Variants in TBC1D1 observed in about 807,000 individuals in gnomAD.
TBC1D1 encodes TBC1 domain family member 1, also known as TBC1 (tre-2/USP6, BUB2, cdc16) domain family, member 1.
TBC1D1 carries 89 observed loss-of-function variants against 125.6 expected under a neutral mutation model. The ratio of observed to expected loss-of-function variants is 0.71; its 90% confidence interval spans 0.60 to 0.85. TBC1D1 has a LOEUF of 0.85. TBC1D1 is among the 40% of genes least tolerant of loss of function. TBC1D1 has a pLI of 0.00. For missense variants in TBC1D1, 1,377 were observed against 1,469.2 expected (o/e 0.94, Z 1.03); for synonymous variants, 565 against 564.1 (o/e 1.00, Z -0.02).
chr4:38,025,230 T>C (rs1225022733), intron 6 of TBC1D1, among the ~76,000 whole-genome samples: 2 of 152,196 alleles, frequency 1.3e-5, no homozygotes, highest in African/African-American at 2.4e-5. Flanking sequence ...CAGGAGGGGT[T>C]GTAGTTTGGA....
chr4:38,110,718 C>T (rs758177012), intron 15 of TBC1D1: 57 of 985,302 alleles, frequency 5.8e-5, no homozygotes, highest in East Asian at 1.1e-4. Context: ...AAAGGACCTG[C>T]ACTTCTCTGC....
intron 19 of TBC1D1, among the ~76,000 whole-genome samples, chr4:38,133,768 C>T (rs1290236300): frequency 2.0e-5 from 3 of 152,194 alleles, no homozygotes; most frequent in Non-Finnish European, 4.4e-5. Context: ...CCTCTAGAAA[C>T]TTCCATTTCA....
At chr4:37,997,186 G>A (rs59913430) in intron 2 of TBC1D1, among the ~76,000 whole-genome samples, 1 of 152,156 alleles carries the variant, frequency 6.6e-6, no homozygotes, top group African/African-American at 2.4e-5. Flanking sequence ...TTAGCTTCAC[G>A]AGACAGACCA....
intron 17 of TBC1D1, among the ~76,000 whole-genome samples, chr4:38,122,824 CA>C (rs1764066943): frequency 6.6e-6 from 1 of 152,130 alleles, no homozygotes; most frequent in Non-Finnish European, 1.5e-5. Context: ...TAAATACAAA[CA>C]GATATAATAA....
chr4:38,102,291 T>G (rs78339435), intron 14 of TBC1D1, among the ~76,000 whole-genome samples: 11,964 of 152,152 alleles, frequency 0.079, 697 homozygotes, highest in East Asian at 0.27. Context: ...TCATCTGAGC[T>G]CTACTTCCTT....
chr4:38,000,948 C>T (rs1465837712), intron 2 of TBC1D1, among the ~76,000 whole-genome samples: 2 of 152,122 alleles, frequency 1.3e-5, no homozygotes, highest in Non-Finnish European at 2.9e-5. Flanking sequence ...AGGCCGGGTG[C>T]GGTGGCTCAC....
rs561109885 is a variant in TBC1D1 at position 37,966,957 on chromosome 4, G to A, written c.418-47552G>A. On this transcript the variant is annotated intron_variant, in intron 2 of 19. Transcript: ENST00000261439. ...GCACATTCTTCTTGTTGACATGCAA[G>A]TACCTGTGGCTTGGTGGACTTTTTG... is the stretch of plus-strand genomic sequence containing the variant. Among the ~76,000 whole-genome samples the A allele has an allele frequency of 1.5e-3, 235 of 152,324 alleles. 2 individuals carry two copies. Among genetic ancestry groups the A allele is most frequent in the African/African-American group, 5.0e-3 (206 of 41,552 alleles).
intron 2 of TBC1D1, among the ~76,000 whole-genome samples, chr4:37,979,443 A>G (rs540650789): frequency 3.2e-4 from 49 of 152,366 alleles, no homozygotes; most frequent in Admixed American, 1.4e-3. Context: ...ATGATGTTCT[A>G]TGGAACTGAT....
chr4:37,996,392 G>A (rs1190570192), intron 2 of TBC1D1, among the ~76,000 whole-genome samples: 2 of 152,178 alleles, frequency 1.3e-5, no homozygotes, highest in East Asian at 1.9e-4. Context: ...ATATAAAGTG[G>A]AAAATGGATT....
At chr4:38,095,895 CTTTA>C (rs1759242880) in intron 13 of TBC1D1, 30 bp from the exon 16 acceptor site, 1 of 1,580,644 alleles carries the variant, frequency 6.3e-7, no homozygotes, top group Non-Finnish European at 8.6e-7. Context: ...TAGCTGTAGC[CTTTA>C]CTAATGCGCT....
chr4:38,066,265 CT>C (rs34977188), intron 12 of TBC1D1, among the ~76,000 whole-genome samples: 10,855 of 137,510 alleles, frequency 0.079, 505 homozygotes, highest in African/African-American at 0.13. Flanking sequence ...TTATTAGCAA[CT>C]TTTTTTTTTT....
At chr4:37,993,237 CAG>C (rs10591132) in intron 2 of TBC1D1, among the ~76,000 whole-genome samples, 10,572 of 152,048 alleles carry the variant, frequency 0.07, 675 homozygotes, top group African/African-American at 0.17. Flanking sequence ...GAGGGAGAGA[CAG>C]AGAGAGAGAA....
intron 2 of TBC1D1, among the ~76,000 whole-genome samples, chr4:37,964,282 C>T (rs953140044): frequency 6.6e-6 from 1 of 152,202 alleles, no homozygotes; most frequent in Non-Finnish European, 1.5e-5. Context: ...GTGCCCCTTT[C>T]TTGGAGTCCC....
At chr4:38,137,095 C>T in intron 19 of TBC1D1, 40 bp from the exon 22 acceptor site, 1 of 1,611,600 alleles carries the variant, frequency 6.2e-7, no homozygotes. Context: ...CCTGTGTTAG[C>T]ACTGGCAATT....
chr4:37,932,240 T>G (rs1723411725), intron 2 of TBC1D1, among the ~76,000 whole-genome samples: 1 of 152,228 alleles, frequency 6.6e-6, no homozygotes, highest in Admixed American at 6.5e-5. Flanking sequence ...AACTGATTCC[T>G]TTCATGATGC....
chr4:38,044,236 A>G, intron 8 of TBC1D1, 126 bp from the exon 9 acceptor site: 4 of 1,021,690 alleles, frequency 3.9e-6, no homozygotes, highest in Non-Finnish European at 5.6e-6. Flanking sequence ...GGAGCAGATG[A>G]GGTGAGATCA....
intron 8 of TBC1D1, among the ~76,000 whole-genome samples, chr4:38,039,004 A>C (rs1298476979): frequency 1.3e-5 from 2 of 150,028 alleles, no homozygotes; most frequent in Non-Finnish European, 3.0e-5. Context: ...TCTTCTAGTC[A>C]GTCCTCACTA....
intron 2 of TBC1D1, among the ~76,000 whole-genome samples, chr4:37,941,509 G>T (rs187538709): frequency 6.6e-6 from 1 of 152,022 alleles, no homozygotes; most frequent in Non-Finnish European, 1.5e-5. Flanking sequence ...AGGGTTTTTT[G>T]TGTCTCTGTC....
chr4:37,955,811 T>C (rs1157774073), intron 2 of TBC1D1, among the ~76,000 whole-genome samples: 3 of 152,134 alleles, frequency 2.0e-5, no homozygotes, highest in African/African-American at 7.2e-5. Flanking sequence ...GTTTACACTT[T>C]TCATTTTTCT....
Sources: gnomAD v4.1 joint callset for allele counts (sites outside exome capture counted in the v4.1 genomes callset) on GRCh38, gnomAD v4.1.1 for gene constraint, MANE v1.5 for transcripts, NCBI Gene and HGNC (gene_info 2026-07-23, HGNC 2026-07-21) for gene names.